The following SERPINB11 variants were observed in gnomAD, a reference collection of about 807,000 sequenced individuals.
The protein encoded by SERPINB11 is serpin B11.
SERPINB11 carries 32 observed loss-of-function variants against 36.7 expected under a neutral mutation model. The ratio of observed to expected loss-of-function variants is 0.87; its 90% CI spans 0.66 to 1.17. The LOEUF (loss-of-function observed/expected upper bound fraction) is 1.17. Among genes scored for constraint, SERPINB11 ranks in the 50% most tolerant of loss-of-function variants. The probability of loss-of-function intolerance (pLI) is 0.00; values close to 1 mark genes in which losing one functional copy is unlikely to be tolerated. For missense variants in SERPINB11, 528 were observed against 458.4 expected, an observed-to-expected ratio of 1.15 and a Z score of -1.39; for synonymous variants, 174 against 168.1, an observed-to-expected ratio of 1.04 and a Z score of -0.27.
rs1197091836 is a variant in SERPINB11, at chr18:63,710,292, G to A, written c.99G>A (p.Leu33=). 2.5e-6 allele frequency: 4 copies of A among 1,613,684 alleles called. No homozygotes were observed. The African/African-American group carries it at 5.3e-5, about 22-fold the overall frequency. The part of the protein sequence containing the change: ...NIGDNIFFSS[L]SLLYALSMVL... Reference sequence around the variant, plus strand: ...GAGATAACATCTTCTTTTCTTCGCTGAGTCTGCTTTATGCTCTAAGCATGG... The same window carrying A: ...GAGATAACATCTTCTTTTCTTCGCTAAGTCTGCTTTATGCTCTAAGCATGG... The change falls in exon 2 of 8, where the codon CTG becomes CTA. Residue 33 remains leucine (L), a synonymous_variant. Coordinates refer to ENST00000544088, the MANE Select transcript of SERPINB11 (RefSeq NM_001370475.1).
At chr18:63,712,293 A>C (rs1460515096) in intron 3 of SERPINB11, among the ~76,000 whole-genome samples, 2 of 152,248 alleles carry the variant, frequency 1.3e-5, no homozygotes, top group East Asian at 3.8e-4. Context: ...TTATTTATGA[A>C]AACTGCCTTT....
Position 63,723,833 on chromosome 18 carries a change from G to T in SERPINB11, c.*434G>T, listed in dbSNP as rs1272693919. ...TCCTTGCATATGTAAATAGAATGTG[G>T]TGAGTTTTAGTTCAAAATTCTCTGT... On this transcript the variant is annotated 3_prime_UTR_variant, in exon 8 of 8. Coordinates refer to ENST00000544088, the MANE Select transcript of SERPINB11 (RefSeq NM_001370475.1). 6.4e-6 allele frequency: 1 copy of T among 155,792 alleles called. No homozygotes were observed. The highest frequency in any genetic ancestry group is 2.4e-5 in the African/African-American group (1 of 41,556). 9.7% of individuals were successfully genotyped at this position (155,792 alleles called of 1,614,324 possible).
intron 4 of SERPINB11, among the ~76,000 whole-genome samples, chr18:63,714,769 C>T (rs1914623521): frequency 6.6e-6 from 1 of 152,120 alleles, no homozygotes; most frequent in Non-Finnish European, 1.5e-5. Context: ...TGTTTAAACA[C>T]ACATGCTTTA....
Position 63,719,452 on chromosome 18 carries a change from C to T in SERPINB11, c.476-561C>T, listed in dbSNP as rs1489903444. ...TTATAAATTGCAATGTACCAAAATG[C>T]ACCAAGAGGGCTGGATGTTTAATTT... On this transcript the variant is annotated intron_variant, in intron 5 of 7. Transcript: ENST00000544088. 2.0e-5 allele frequency among the ~76,000 whole-genome samples: 3 copies of T among 152,000 alleles called. No individual in the cohort carries two copies. The East Asian group carries it at 5.8e-4, about 29-fold the overall frequency.
chr18:63,702,735 T>G (rs945803641), upstream of SERPINB11: 2 of 152,186 alleles, frequency 1.3e-5, no homozygotes, highest in Admixed American at 6.5e-5. Flanking sequence ...GGCCTCAAAC[T>G]CCTAGCCTCA....
Position 63,723,111 on chromosome 18 carries a change from A to G in SERPINB11, c.891A>G (p.Leu297=), listed in dbSNP as rs1159043792. 1 of 1,606,982 alleles carries G rather than the reference A, an allele frequency of 6.2e-7. No homozygotes were observed. Among genetic ancestry groups the G allele is most frequent in the Non-Finnish European group, 8.5e-7 (1 of 1,176,174 alleles). The part of the protein sequence containing the change: ...PRFKLETKYE[L]NSLLKSLGVT... ...TCAAACTTGAAACTAAGTATGAGCT[A>G]AATTCCCTGTTAAAATCTCTAGGGG... The change falls in exon 8 of 8, where the codon CTA becomes CTG. Residue 297 remains leucine (L), a synonymous_variant. Transcript: ENST00000544088.
intron 1 of SERPINB11, among the ~76,000 whole-genome samples, chr18:63,708,122 A>G (rs1036752399): frequency 6.6e-6 from 1 of 152,224 alleles, no homozygotes; most frequent in Admixed American, 6.5e-5. Context: ...AGGAGGTTAC[A>G]TGGCTAAATT....
intron 7 of SERPINB11, 49 bp from the exon 8 acceptor site, chr18:63,722,946 G>C (rs1485047464): frequency 2.0e-6 from 3 of 1,475,960 alleles, no homozygotes; most frequent in East Asian, 4.7e-5. Context: ...ATTTAATGTA[G>C]AGGTCGTGTG....
Position 63,723,716 on chromosome 18 carries a change from GT to G in SERPINB11, c.*318del. On this transcript the variant is annotated 3_prime_UTR_variant, in exon 8 of 8. Transcript: ENST00000544088. ...GGGATTAGATTTTCTTGACTTGTATGTATCTGTGAGATCTTGAATAAGTGAC... is the reference window on the plus strand; with the variant it reads ...GGGATTAGATTTTCTTGACTTGTATGATCTGTGAGATCTTGAATAAGTGAC... 1 of 230,558 alleles carries G rather than the reference GT, an allele frequency of 4.3e-6. No individual in the cohort carries two copies. The allele number at this position is 230,558 out of a possible 1,614,324, so 14.3% of individuals were successfully genotyped here. A position where few individuals can be genotyped will look rare whatever the true frequency, so the allele number is the denominator to read the frequency against.
Position 63,722,847 on chromosome 18 carries a change from A to AT in SERPINB11, c.775-144dup. Reference sequence around the variant, plus strand: ...AAGGGAAAATGTGGCTAATGGTATGATTTTGTTCCCAGGTAAGTAGACTGT... The same window carrying AT: ...AAGGGAAAATGTGGCTAATGGTATGATTTTTGTTCCCAGGTAAGTAGACTGT... On this transcript the variant is annotated intron_variant, in intron 7 of 7. Coordinates refer to ENST00000544088, the MANE Select transcript of SERPINB11 (RefSeq NM_001370475.1). The AT allele has an allele frequency of 4.1e-6, 3 of 736,954 alleles. No homozygotes were observed. In the South Asian group the frequency reaches 8.2e-5, roughly 20 times the overall value. 45.7% of individuals were successfully genotyped at this position (736,954 alleles called of 1,614,324 possible).
In SERPINB11 at chr18:63,720,840, G is replaced by A. The variant is rs1464860718; in HGVS notation, c.628G>A (p.Val210Ile). The change falls in exon 7 of 8, where the codon GTA becomes ATA. Residue 210 changes from valine (V) to isoleucine (I), a missense_variant. Physicochemically the swap from Val to Ile is conservative, Grantham distance 29. Transcript: ENST00000544088. ...TTTTTCTTCTTAACAGGGTAAAAAT[G>A]TAACTGTGGAAATGATGTATCAAAT... ...SPFQLSEGKN[V>I]TVEMMYQIGT... is the part of the protein sequence containing the mutation. 1.3e-6 allele frequency: 2 copies of A among 1,552,332 alleles called. No homozygotes were observed. The highest frequency in any genetic ancestry group is 4.8e-5 in the East Asian group (2 of 41,432).
chr18:63,705,474 G>T (rs1914348454), intron 1 of SERPINB11: 1 of 152,230 alleles, frequency 6.6e-6, no homozygotes, highest in African/African-American at 2.4e-5. Context: ...TGGTGTCTAT[G>T]GTGGTGGAGA....
chr18:63,709,735 T>G (rs904781880), intron 1 of SERPINB11, among the ~76,000 whole-genome samples: 2 of 152,206 alleles, frequency 1.3e-5, no homozygotes, highest in African/African-American at 4.8e-5. Context: ...GGAGATGTTC[T>G]CCTGTGACAC....
rs748478627 is a variant in SERPINB11, at chr18:63,712,615, A to G, written c.279A>G (p.Gln93=). 3 of 1,613,818 alleles carry G rather than the reference A, an allele frequency of 1.9e-6. No homozygotes were observed. The highest frequency in any genetic ancestry group is 3.3e-5 in the Admixed American group (2 of 60,016). ...CCGAGTTTGGTGTCGAATTCTCTCAAATCAACCAGCCAGACTCTAACTGTA... is the reference window on the plus strand; with the variant it reads ...CCGAGTTTGGTGTCGAATTCTCTCAGATCAACCAGCCAGACTCTAACTGTA... ...IHSEFGVEFS[Q]INQPDSNCTL... The change falls in exon 4 of 8, where the codon CAA becomes CAG. Residue 93 remains glutamine (Q), a synonymous_variant. Transcript: ENST00000544088.
At chr18:63,715,966 T>C (rs1175230538) in intron 4 of SERPINB11, 69 bp from the exon 5 acceptor site, 1 of 927,728 alleles carries the variant, frequency 1.1e-6, no homozygotes, top group African/African-American at 1.7e-5. Flanking sequence ...TTAGAATACA[T>C]TGAGCTGTAG....
rs4940595 is a variant in SERPINB11, at chr18:63,712,604, G to A, written c.268G>A (p.Glu90Lys). 20 of 1,613,546 alleles carry A rather than the reference G, an allele frequency of 1.2e-5. No individual in the cohort carries two copies. The East Asian group carries it at 1.6e-4, about 13-fold the overall frequency. Residue 90 changes from glutamate (E) to lysine (K), a missense_variant, in exon 4 of 8, where the codon GAA becomes AAA. Transcript: ENST00000544088. ...AAGAATTCATTCCGAGTTTGGTGTC[G>A]AATTCTCTCAAATCAACCAGCCAGA... Reference protein sequence around the residue: ...AGRIHSEFGVEFSQINQPDSN... With the variant: ...AGRIHSEFGVKFSQINQPDSN...
chr18:63,711,767 C>G (rs1381624208), intron 3 of SERPINB11, among the ~76,000 whole-genome samples: 1 of 152,070 alleles, frequency 6.6e-6, no homozygotes, highest in Non-Finnish European at 1.5e-5. Flanking sequence ...ACTGGGAAAA[C>G]ATGGCCTAAT....
At chr18:63,714,944 T>C (rs1914628456) in intron 4 of SERPINB11, among the ~76,000 whole-genome samples, 2 of 152,192 alleles carry the variant, frequency 1.3e-5, no homozygotes, top group Admixed American at 1.3e-4. Context: ...TCACAATTTA[T>C]GTTCAGAGAT....
chr18:63,709,422 T>C (rs958859661), intron 1 of SERPINB11, among the ~76,000 whole-genome samples: 11 of 151,972 alleles, frequency 7.2e-5, no homozygotes, highest in Admixed American at 5.2e-4. Context: ...CCATCCTGGC[T>C]AACACGGTGA....
Sources: gnomAD v4.1 joint callset for allele counts (sites outside exome capture counted in the v4.1 genomes callset) on GRCh38, gnomAD v4.1.1 for gene constraint, MANE v1.5 for transcripts, NCBI Gene and HGNC (gene_info 2026-07-23, HGNC 2026-07-21) for gene names.